Variants in APH1B observed in about 807,000 individuals in gnomAD.
The protein encoded by APH1B is aph-1B gamma-secretase subunit, also known as gamma-secretase subunit APH-1B.
A neutral mutation model predicts 28.2 loss-of-function variants in APH1B; 27 were observed. That is an observed-to-expected ratio of 0.96 (90% CI 0.70 to 1.32). The LOEUF (loss-of-function observed/expected upper bound fraction) is 1.32, where lower values mean the gene tolerates loss of function less well. Among genes scored for constraint, APH1B ranks in the 40% most tolerant of loss-of-function variants. The pLI, the probability that APH1B is intolerant of heterozygous loss-of-function variation, is 0.00. For missense variants in APH1B, 305 were observed against 313.6 expected (o/e 0.97, Z 0.21); for synonymous variants, 141 against 124.6 (o/e 1.13, Z -0.88).
At chr15:63,278,395 G>A (rs1475461088) in intron 1 of APH1B, 1 of 456,016 alleles carries the variant, frequency 2.2e-6, no homozygotes, top group Non-Finnish European at 4.4e-6. Flanking sequence ...GTCATCACCT[G>A]CCTCTTACTT....
At chr15:63,288,298 G>A (rs1258336792) in intron 4 of APH1B, among the ~76,000 whole-genome samples, 1 of 152,150 alleles carries the variant, frequency 6.6e-6, no homozygotes, top group African/African-American at 2.4e-5. Context: ...AGAAAAAAAA[G>A]TGAATAAGCA....
At chr15:63,281,288 G>A (rs2038383871) in intron 2 of APH1B, among the ~76,000 whole-genome samples, 1 of 152,106 alleles carries the variant, frequency 6.6e-6, no homozygotes, top group Non-Finnish European at 1.5e-5. Context: ...AACAGGCATG[G>A]TTGTGGCTTC....
At chr15:63,280,589 G>A (rs2038375359) in intron 2 of APH1B, among the ~76,000 whole-genome samples, 1 of 152,128 alleles carries the variant, frequency 6.6e-6, no homozygotes, top group Non-Finnish European at 1.5e-5. Flanking sequence ...CGTAATGAAG[G>A]AATTTAAATT....
rs371173528 is a variant in APH1B at position 63,297,358 on chromosome 15, C to A, written c.479-4987C>A. Among the ~76,000 whole-genome samples, 8 of 152,162 alleles carry A rather than the reference C, an allele frequency of 5.3e-5. No homozygotes were observed. The East Asian group carries it at 1.2e-3, about 22-fold the overall frequency. On this transcript the variant is annotated intron_variant, in intron 4 of 5. Transcript: ENST00000261879. Reference sequence around the variant, plus strand: ...CCTGGGCAACATGACAAAACCCTGTCTCCACTTAAAACAGAAAAAAATTAG... The same window carrying A: ...CCTGGGCAACATGACAAAACCCTGTATCCACTTAAAACAGAAAAAAATTAG...
At chr15:63,303,580 C>T (rs530501832) in intron 5 of APH1B, among the ~76,000 whole-genome samples, 2 of 152,298 alleles carry the variant, frequency 1.3e-5, no homozygotes, top group Admixed American at 6.5e-5. Context: ...ATTGCAGCCT[C>T]GACCTCCTGG....
In APH1B at chr15:63,305,867, G is replaced by T. The variant is rs1595766403; in HGVS notation, c.*86G>T. The stretch of plus-strand genomic sequence containing the variant: ...CCTTTTTCTGAAAATCCCTTTTTCT[G>T]GTGGAATTGAGAAAGAAATAAAACT... On this transcript the variant is annotated 3_prime_UTR_variant, in exon 6 of 6. Coordinates refer to ENST00000261879, the MANE Select transcript of APH1B (RefSeq NM_031301.4). 3 of 1,485,558 alleles carry T rather than the reference G, an allele frequency of 2.0e-6. No homozygotes were observed. Among genetic ancestry groups the T allele is most frequent in the East Asian group, 4.6e-5 (2 of 43,664 alleles). 92.0% of individuals were successfully genotyped at this position (1,485,558 alleles called of 1,614,324 possible).
intron 2 of APH1B, among the ~76,000 whole-genome samples, chr15:63,280,009 G>T (rs1451396464): frequency 2.0e-5 from 3 of 152,026 alleles, no homozygotes; most frequent in East Asian, 1.9e-4. Context: ...TGTTCGCCAG[G>T]CTGGTTTCAA....
intron 2 of APH1B, among the ~76,000 whole-genome samples, chr15:63,282,986 T>C (rs2038405172): frequency 6.6e-6 from 1 of 152,192 alleles, no homozygotes; most frequent in Admixed American, 6.5e-5. Flanking sequence ...TTTTTGTTCT[T>C]GGGAACATAA....
rs184584190 is a variant in APH1B at position 63,305,963 on chromosome 15, G to A, written c.*182G>A. 1.6e-3 allele frequency: 1,210 copies of A among 744,568 alleles called. 1 individual carries two copies. The highest frequency in any genetic ancestry group is 2.3e-3 in the Non-Finnish European group (1,100 of 482,410). 46.1% of individuals were successfully genotyped at this position (744,568 alleles called of 1,614,324 possible). A position where few individuals can be genotyped will look rare whatever the true frequency, so the allele number is the denominator to read the frequency against. On this transcript the variant is annotated 3_prime_UTR_variant, in exon 6 of 6. Transcript: ENST00000261879. ...CCGAAAGGGGTGCTCAGTGGTGTGC[G>A]TCCTGGCTGCACGAGAATCACCTGG...
At chr15:63,283,321 G>A (rs1479028127) in intron 2 of APH1B, among the ~76,000 whole-genome samples, 1 of 152,080 alleles carries the variant, frequency 6.6e-6, no homozygotes, top group African/African-American at 2.4e-5. Context: ...TTCCGCCTCC[G>A]GGGCTCAAGC....
At chr15:63,286,717 A>G in intron 3 of APH1B, 89 bp downstream of exon 3, 2 of 1,264,198 alleles carry the variant, frequency 1.6e-6, no homozygotes, top group East Asian at 2.5e-5. Context: ...GTAGATTTCA[A>G]GTAGTTGTTT....
intron 4 of APH1B, 24 bp downstream of exon 4, chr15:63,287,570 ATTCAGGC>A: frequency 6.2e-7 from 1 of 1,610,750 alleles, no homozygotes; most frequent in South Asian, 1.1e-5. Context: ...AGCTGTCAAC[ATTCAGGC>A]TTCTAGTCTA....
In APH1B at chr15:63,305,675, T is replaced by C. The variant is rs2152603343; in HGVS notation, c.668T>C (p.Met223Thr). 6.2e-7 allele frequency: 1 copy of C among 1,614,270 alleles called. No individual in the cohort carries two copies. Among genetic ancestry groups the C allele is most frequent in the African/African-American group, 1.3e-5 (1 of 75,064 alleles). Residue 223 changes from methionine to threonine, a missense_variant, in exon 6 of 6, where the codon ATG becomes ACG. Coordinates refer to ENST00000261879, the MANE Select transcript of APH1B (RefSeq NM_031301.4). ...TCAGCATTTATAATCCTGGTGCTCA[T>C]GGGCACCTGGGCATTCTTAGCTGCG... ...LASAFIILVL[M>T]GTWAFLAAGG... is the part of the protein sequence containing the mutation.
chr15:63,298,497 A>G (rs2038591276), intron 4 of APH1B, among the ~76,000 whole-genome samples: 1 of 152,230 alleles, frequency 6.6e-6, no homozygotes. Context: ...GGAGTAAGCC[A>G]CTGTGCCTGG....
At chr15:63,299,973 C>T (rs2038608034) in intron 4 of APH1B, among the ~76,000 whole-genome samples, 3 of 151,978 alleles carry the variant, frequency 2.0e-5, no homozygotes, top group Admixed American at 6.6e-5. Flanking sequence ...GATGGGACTC[C>T]AGACGTGAAG....
intron 4 of APH1B, among the ~76,000 whole-genome samples, chr15:63,288,164 T>C (rs997766239): frequency 7.2e-5 from 11 of 152,256 alleles, no homozygotes; most frequent in African/African-American, 2.7e-4. Context: ...CCACTGTATT[T>C]TTAGTCGTTT....
intron 1 of APH1B, 72 bp downstream of exon 1, chr15:63,277,808 G>A (rs1000397668): frequency 1.6e-4 from 229 of 1,443,674 alleles, no homozygotes; most frequent in Non-Finnish European, 2.1e-4. Context: ...GCGACCCTCG[G>A]CGCCCCCACC....
intron 1 of APH1B, 139 bp downstream of exon 1, chr15:63,277,875 G>T (rs1420514395): frequency 3.6e-6 from 3 of 834,104 alleles, no homozygotes; most frequent in Non-Finnish European, 3.6e-6. Context: ...GGGGAGAGCG[G>T]AGATCCGGCT....
At chr15:63,305,173 A>G (rs1464443461) in intron 5 of APH1B, among the ~76,000 whole-genome samples, 1 of 152,220 alleles carries the variant, frequency 6.6e-6, no homozygotes, top group East Asian at 1.9e-4. Flanking sequence ...GTGTTCTTTA[A>G]ATGAATACAC....
Sources: allele counts gnomAD v4.1 joint callset (sites outside exome capture counted in the v4.1 genomes callset), GRCh38; gene constraint gnomAD v4.1.1; transcripts MANE v1.5; gene names NCBI Gene and HGNC (gene_info 2026-07-23, HGNC 2026-07-21).